The following CEP83 variants were observed in gnomAD, a reference collection of about 807,000 sequenced individuals.
The protein encoded by CEP83 is centrosomal protein 83, also known as centrosomal protein of 83 kDa.
A neutral mutation model predicts 101.9 loss-of-function variants in CEP83; 70 were observed. The observed-to-expected ratio is 0.69, with a 90% CI of 0.57 to 0.84. The LOEUF (loss-of-function observed/expected upper bound fraction) is 0.84. Ranked by LOEUF, CEP83 falls within the 40% of genes least tolerant of loss-of-function variation. The probability of loss-of-function intolerance (pLI) is 0.00; values close to 1 mark genes in which losing one functional copy is unlikely to be tolerated. For synonymous variants in CEP83, 264 were observed against 267.9 expected (o/e 0.99, Z 0.14); for missense variants, 715 against 787.2 (o/e 0.91, Z 1.10).
chr12:94,389,481 GA>G (rs2062377379), intron 6 of CEP83, among the ~76,000 whole-genome samples: 1 of 152,112 alleles, frequency 6.6e-6, no homozygotes, highest in Admixed American at 6.6e-5. Flanking sequence ...TATTACTTAA[GA>G]AAACAATAGG....
chr12:94,326,878 C>CA (rs1414919893), intron 14 of CEP83, among the ~76,000 whole-genome samples: 3 of 152,190 alleles, frequency 2.0e-5, no homozygotes, highest in Non-Finnish European at 2.9e-5. Context: ...CTCCTGCTGG[C>CA]ACTCTGACTG....
chr12:94,365,930 T>C (rs1323978175), intron 11 of CEP83, among the ~76,000 whole-genome samples: 1 of 151,968 alleles, frequency 6.6e-6, no homozygotes, highest in Non-Finnish European at 1.5e-5. Context: ...CAGGGTGCAC[T>C]GATAAGAAAG....
At position 94,459,629 on chromosome 12, in the gene CEP83, C is replaced by A. The variant is rs1002681614; in HGVS notation, c.-227G>T. The A allele has an allele frequency of 6.5e-6, 1 of 153,266 alleles. No individual in the cohort carries two copies. Among genetic ancestry groups the A allele is most frequent in the Non-Finnish European group, 1.5e-5 (1 of 68,742 alleles). The allele number at this position is 153,266 out of a possible 1,614,324, so 9.5% of individuals were successfully genotyped here. On this transcript the variant is annotated 5_prime_UTR_variant, in exon 1 of 17. Transcript: ENST00000397809. Reference sequence around the variant, plus strand: ...ACCGCAGTTCTGGCCGCGCTCGCCACCGGGGACACCTCCACAGCTCCAACC... The same window carrying A: ...ACCGCAGTTCTGGCCGCGCTCGCCAACGGGGACACCTCCACAGCTCCAACC...
intron 11 of CEP83, among the ~76,000 whole-genome samples, chr12:94,343,100 T>C (rs947125718): frequency 1.3e-5 from 2 of 150,980 alleles, no homozygotes; most frequent in African/African-American, 2.4e-5. Flanking sequence ...TGTGTGTGTA[T>C]GTATATATAT....
the CEP83 span, among the ~76,000 whole-genome samples, chr12:94,272,648 G>A: frequency 2.0e-5 from 3 of 152,210 alleles, no homozygotes; most frequent in Non-Finnish European, 4.4e-5. Flanking sequence ...GCTCACACCT[G>A]TAATCCCAGC....
chr12:94,283,988 C>A, the CEP83 span, among the ~76,000 whole-genome samples: 18 of 150,052 alleles, frequency 1.2e-4, no homozygotes, highest in Admixed American at 1.2e-3. Flanking sequence ...GAGGCTGAGG[C>A]AGGAGAATTG....
At chr12:94,297,238 T>C in the CEP83 span, 26 of 1,613,936 alleles carry the variant, frequency 1.6e-5, no homozygotes, top group Non-Finnish European at 2.1e-5. Flanking sequence ...CAGGCTTTCT[T>C]GTGCTCACCA....
At chr12:94,417,759 G>T (rs140406946) in intron 2 of CEP83, among the ~76,000 whole-genome samples, 1 of 151,950 alleles carries the variant, frequency 6.6e-6, no homozygotes, top group Non-Finnish European at 1.5e-5. Context: ...CAGCACTCCC[G>T]CCTGGGCAAC....
intron 6 of CEP83, among the ~76,000 whole-genome samples, chr12:94,383,510 T>C (rs1471381034): frequency 1.3e-5 from 2 of 152,064 alleles, no homozygotes; most frequent in African/African-American, 4.8e-5. Flanking sequence ...AATAAACCCA[T>C]TGTTAAGTTG....
chr12:94,425,075 G>T (rs1463537368), intron 2 of CEP83: 13 of 513,782 alleles, frequency 2.5e-5, no homozygotes, highest in Non-Finnish European at 3.7e-5. Flanking sequence ...AAGGGGGAGA[G>T]GGAGGGAGGA....
chr12:94,375,419 G>A (rs1334805625), intron 8 of CEP83, among the ~76,000 whole-genome samples: 1 of 152,144 alleles, frequency 6.6e-6, no homozygotes, highest in African/African-American at 2.4e-5. Flanking sequence ...GAAGGCCAAA[G>A]GGAGCAAAGT....
chr12:94,390,908 G>A (rs1397597181), intron 6 of CEP83, among the ~76,000 whole-genome samples: 1 of 152,102 alleles, frequency 6.6e-6, no homozygotes, highest in Admixed American at 6.6e-5. Context: ...GAAATAAACC[G>A]AGAAGACAAA....
chr12:94,280,601 T>C, the CEP83 span, among the ~76,000 whole-genome samples: 1 of 152,302 alleles, frequency 6.6e-6, no homozygotes. Flanking sequence ...CTTCCTTCCT[T>C]GGGTGACCGT....
intron 2 of CEP83, among the ~76,000 whole-genome samples, chr12:94,433,805 C>G (rs1355607943): frequency 6.6e-6 from 1 of 152,126 alleles, no homozygotes; most frequent in East Asian, 1.9e-4. Context: ...AAAGGCCTAT[C>G]AGGAAACCAA....
chr12:94,443,647 G>A (rs187468741), intron 1 of CEP83, among the ~76,000 whole-genome samples: 13 of 151,758 alleles, frequency 8.6e-5, no homozygotes, highest in African/African-American at 2.2e-4. Flanking sequence ...CATGCACCAC[G>A]CCCGGCTATT....
chr12:94,392,906 C>A (rs1385129667), intron 6 of CEP83, among the ~76,000 whole-genome samples: 1 of 152,112 alleles, frequency 6.6e-6, no homozygotes, highest in Admixed American at 6.6e-5. Flanking sequence ...GACAAATACA[C>A]CCTCCCAAGA....
the CEP83 span, chr12:94,277,637 C>T: frequency 1.9e-5 from 6 of 310,622 alleles, no homozygotes; most frequent in South Asian, 1.4e-4. Context: ...CTGGCTTCCA[C>T]TGGGTTCATT....
chr12:94,339,473 G>A (rs1489055270), intron 11 of CEP83, among the ~76,000 whole-genome samples: 1 of 152,160 alleles, frequency 6.6e-6, no homozygotes, highest in African/African-American at 2.4e-5. Context: ...TCATGTGACT[G>A]AAGAAACTGA....
intron 11 of CEP83, among the ~76,000 whole-genome samples, chr12:94,336,197 T>C (rs1371821730): frequency 6.6e-6 from 1 of 152,176 alleles, no homozygotes; most frequent in Non-Finnish European, 1.5e-5. Context: ...TTATGGAGCT[T>C]TTCATCCCTG....
Sources: allele counts gnomAD v4.1 joint callset (sites outside exome capture counted in the v4.1 genomes callset), GRCh38; gene constraint gnomAD v4.1.1; transcripts MANE v1.5; gene names NCBI Gene and HGNC (gene_info 2026-07-23, HGNC 2026-07-21).